The following CTNNA2 variants were observed in gnomAD, a reference collection of about 807,000 sequenced individuals.
The protein encoded by CTNNA2 is catenin alpha-2.
A neutral mutation model predicts 101.0 loss-of-function variants in CTNNA2; 42 were observed. The observed-to-expected ratio is 0.42, with a 90% confidence interval of 0.32 to 0.54. CTNNA2 has a LOEUF of 0.54. Ranked by LOEUF, CTNNA2 falls within the 20% of genes least tolerant of loss-of-function variation. CTNNA2 has a pLI of 0.14. For synonymous variants in CTNNA2, 450 were observed against 456.4 expected (o/e 0.99, Z 0.18); for missense variants, 871 against 1,223.1 (o/e 0.71, Z 4.29).
At chr2:79,256,165 A>T (rs1460758353) in intron 2 of CTNNA2, among the ~76,000 whole-genome samples, 1 of 152,218 alleles carries the variant, frequency 6.6e-6, no homozygotes, top group East Asian at 1.9e-4. Context: ...AAGGAGATGA[A>T]TTGGGAGAGG....
intron 2 of CTNNA2, among the ~76,000 whole-genome samples, chr2:79,287,849 C>A (rs981249527): frequency 1.3e-5 from 2 of 152,200 alleles, no homozygotes; most frequent in African/African-American, 4.8e-5. Context: ...CCCCCAGCCT[C>A]GCTGCCACCT....
At chr2:79,561,140 C>T (rs899866890) in intron 1 of CTNNA2, among the ~76,000 whole-genome samples, 3 of 151,858 alleles carry the variant, frequency 2.0e-5, no homozygotes, top group Non-Finnish European at 4.4e-5. Context: ...CACAGATTTG[C>T]TTATTGTCGA....
intron 1 of CTNNA2, among the ~76,000 whole-genome samples, chr2:79,595,865 T>G (rs1677157177): frequency 6.6e-6 from 1 of 151,402 alleles, no homozygotes; most frequent in Admixed American, 6.6e-5. Context: ...CCAACTGCCT[T>G]CATTTTATAA....
Position 80,300,382 on chromosome 2 carries a change from A to G in CTNNA2, c.1057-92829A>G, listed in dbSNP as rs570471707. 1.3e-4 allele frequency among the ~76,000 whole-genome samples: 20 copies of G among 151,722 alleles called. No homozygotes were observed. The South Asian group carries it at 3.8e-3, about 28-fold the overall frequency. Reference sequence around the variant, plus strand: ...ACATCTTAAAAGACATTTGCAAAATATTTCTCTTGAAAGAGACTCTTAGAA... The same window carrying G: ...ACATCTTAAAAGACATTTGCAAAATGTTTCTCTTGAAAGAGACTCTTAGAA... On this transcript the variant is annotated intron_variant, in intron 7 of 18. Transcript: ENST00000402739.
At chr2:79,557,504 A>T (rs1235732105) in intron 1 of CTNNA2, among the ~76,000 whole-genome samples, 1 of 151,888 alleles carries the variant, frequency 6.6e-6, no homozygotes, top group East Asian at 1.9e-4. Context: ...TAATTTGCCT[A>T]CTTAGTTTTA....
intron 6 of CTNNA2, among the ~76,000 whole-genome samples, chr2:79,887,683 G>T (rs1323903604): frequency 6.6e-6 from 1 of 151,834 alleles, no homozygotes; most frequent in East Asian, 1.9e-4. Context: ...TCTTAAAAAA[G>T]AAAAAAACAA....
At chr2:79,826,833 G>A (rs1350603128) in intron 3 of CTNNA2, among the ~76,000 whole-genome samples, 1 of 152,094 alleles carries the variant, frequency 6.6e-6, no homozygotes, top group Non-Finnish European at 1.5e-5. Flanking sequence ...CTTTTCATTT[G>A]GGCTTAAAGA....
chr2:79,720,886 G>C (rs1686438692), intron 2 of CTNNA2, among the ~76,000 whole-genome samples: 1 of 151,858 alleles, frequency 6.6e-6, no homozygotes, highest in African/African-American at 2.4e-5. Context: ...CTCTGTCTAG[G>C]ACTTATTTCC....
At chr2:79,724,911 C>A (rs946577399) in intron 2 of CTNNA2, among the ~76,000 whole-genome samples, 1 of 151,574 alleles carries the variant, frequency 6.6e-6, no homozygotes, top group Non-Finnish European at 1.5e-5. Flanking sequence ...GTCTACTCTG[C>A]GGTACTCCCT....
chr2:79,930,294 G>GAAAGAAAGAAAGAA (rs1382657195), intron 7 of CTNNA2, among the ~76,000 whole-genome samples: 2 of 121,964 alleles, frequency 1.6e-5, no homozygotes, highest in Non-Finnish European at 3.5e-5. Context: ...GAGAGAGAAA[G>GAAAGAAAGAAAGAA]AGAAAGAAAG....
At chr2:79,370,938 T>G (rs945703246) in intron 3 of CTNNA2, among the ~76,000 whole-genome samples, 2 of 152,138 alleles carry the variant, frequency 1.3e-5, no homozygotes, top group African/African-American at 4.8e-5. Flanking sequence ...TCAACTCCAT[T>G]GCTCCAGATG....
chr2:79,987,494 A>C (rs1574479125), intron 7 of CTNNA2, among the ~76,000 whole-genome samples: 1 of 152,310 alleles, frequency 6.6e-6, no homozygotes, highest in Admixed American at 6.5e-5. Flanking sequence ...TGAAAGGGAA[A>C]GTTAGTGATA....
chr2:80,360,564 T>C (rs1055823733), intron 7 of CTNNA2, among the ~76,000 whole-genome samples: 1 of 152,084 alleles, frequency 6.6e-6, no homozygotes, highest in African/African-American at 2.4e-5. Flanking sequence ...TAGGTCATAA[T>C]ACTAACAGAG....
At chr2:79,714,826 TATAAAGGATGTTA>T (rs1685967025) in intron 2 of CTNNA2, among the ~76,000 whole-genome samples, 1 of 151,988 alleles carries the variant, frequency 6.6e-6, no homozygotes, top group Admixed American at 6.6e-5. Flanking sequence ...TTGTATAAAT[TATAAAGGATGTTA>T]ATCAACTAGC....
intron 7 of CTNNA2, among the ~76,000 whole-genome samples, chr2:80,321,931 T>C (rs1045478500): frequency 1.4e-5 from 2 of 146,168 alleles, no homozygotes; most frequent in Non-Finnish European, 2.9e-5. Flanking sequence ...CTCTGTATTT[T>C]ATTTATTTAT....
At chr2:79,354,162 T>C (rs1677453861) in intron 3 of CTNNA2, among the ~76,000 whole-genome samples, 1 of 152,130 alleles carries the variant, frequency 6.6e-6, no homozygotes, top group African/African-American at 2.4e-5. Context: ...TTGGGGATGA[T>C]TGTTTTTTAT....
At chr2:79,554,931 T>A (rs1558725707) in intron 1 of CTNNA2, among the ~76,000 whole-genome samples, 1 of 152,194 alleles carries the variant, frequency 6.6e-6, no homozygotes, top group Non-Finnish European at 1.5e-5. Flanking sequence ...TGATAGTTGG[T>A]ATCAGGATAT....
chr2:80,498,207 G>A (rs563584016), intron 9 of CTNNA2, among the ~76,000 whole-genome samples: 43 of 152,170 alleles, frequency 2.8e-4, no homozygotes, highest in African/African-American at 9.6e-4. Context: ...AGACTTCTCC[G>A]CCTCCCATTA....
At chr2:79,282,684 T>A (rs993227571) in intron 2 of CTNNA2, among the ~76,000 whole-genome samples, 12 of 144,838 alleles carry the variant, frequency 8.3e-5, no homozygotes, top group African/African-American at 2.7e-4. Flanking sequence ...TGGTTCCAAG[T>A]CTTTGCTATT....
Sources: allele counts gnomAD v4.1 joint callset (sites outside exome capture counted in the v4.1 genomes callset), GRCh38; gene constraint gnomAD v4.1.1; transcripts MANE v1.5; gene names NCBI Gene and HGNC (gene_info 2026-07-23, HGNC 2026-07-21).